Variants in WDR59 observed in about 807,000 individuals in gnomAD.
WDR59 encodes the protein GATOR2 complex protein WDR59.
In WDR59, 100 loss-of-function variants were observed where a neutral mutation model predicts 131.2. That is an observed-to-expected ratio of 0.76 (90% CI 0.65 to 0.90). WDR59 has a LOEUF of 0.90. WDR59 is among the 40% of genes least tolerant of loss of function. WDR59 has a pLI of 0.00. For synonymous variants in WDR59, 601 were observed against 466.2 expected, an observed-to-expected ratio of 1.29 and a Z score of -3.72; for missense variants, 1,203 against 1,262.2, an observed-to-expected ratio of 0.95 and a Z score of 0.71.
chr16:74,959,738 C>T, intron 2 of WDR59: 2 of 194,124 alleles, frequency 1.0e-5, no homozygotes, highest in South Asian at 1.7e-4. Context: ...CATGATTGCA[C>T]CACTGCACTC....
rs905932761 is a variant in WDR59, at chr16:74,951,450, G to C, written c.326+8C>G. 8.8e-6 allele frequency: 14 copies of C among 1,590,456 alleles called. No individual in the cohort carries two copies. Among genetic ancestry groups the C allele is most frequent in the East Asian group, 2.3e-5 (1 of 44,342 alleles). ...ACAGCCAAAGAGCTGTGGAGGGCTG[G>C]TGCCTACCTGATGACACGAGTGTGG... On this transcript the variant is annotated splice_region_variant and intron_variant, in intron 4 of 25. Coordinates refer to ENST00000262144, the MANE Select transcript of WDR59 (RefSeq NM_030581.4).
intron 25 of WDR59, among the ~76,000 whole-genome samples, chr16:74,883,110 C>T (rs537410969): frequency 1.3e-4 from 19 of 149,902 alleles, no homozygotes; most frequent in Middle Eastern, 3.5e-3. Flanking sequence ...CCGCAACCTC[C>T]GCCTCCCGAG....
intron 17 of WDR59, among the ~76,000 whole-genome samples, chr16:74,908,071 C>G (rs906521872): frequency 6.6e-6 from 1 of 152,136 alleles, no homozygotes; most frequent in African/African-American, 2.4e-5. Flanking sequence ...TGTTGTTAAA[C>G]ATGATTCTCT....
chr16:74,874,418 G>C lies in WDR59; in HGVS notation c.2716C>G (p.Arg906Gly). Residue 906 changes from arginine to glycine, a missense_variant, in exon 26 of 26, where the codon CGG (arginine) becomes GGG (glycine). Arg to Gly is a moderately radical substitution (Grantham distance 125). Transcript: ENST00000262144. ...IEFGVYCSHCRSEVRGTQCAI... is the reference protein window; with the variant it reads ...IEFGVYCSHCGSEVRGTQCAI... ...CACTGCGTGCCACGGACCTCACTCC[G>C]GCAGTGGCTGCAGTACACGCCGAAC... is the stretch of plus-strand genomic sequence containing the variant. The C allele has an allele frequency of 6.2e-7, 1 of 1,614,006 alleles. No homozygotes were observed. The highest frequency in any genetic ancestry group is 1.1e-5 in the South Asian group (1 of 91,070).
At chr16:74,896,070 G>A (rs1413871280) in intron 18 of WDR59, among the ~76,000 whole-genome samples, 2 of 151,632 alleles carry the variant, frequency 1.3e-5, no homozygotes, top group Non-Finnish European at 2.9e-5. Flanking sequence ...CATCTCAAGT[G>A]AGACTCAGGG....
rs999648104 is a variant in WDR59, at chr16:74,958,631, A to AAAG, written c.105-2024_105-2022dup. ...AAAAAAAAAAAAAAACAAGCTAAATAAAGCCAAAGTACATGGAGAGAGAAA... is the reference window on the plus strand; with the variant it reads ...AAAAAAAAAAAAAAACAAGCTAAATAAAGAAGCCAAAGTACATGGAGAGAGAAA... On this transcript the variant is annotated intron_variant, in intron 2 of 25. Coordinates refer to ENST00000262144, the MANE Select transcript of WDR59 (RefSeq NM_030581.4). Among the ~76,000 whole-genome samples the AAAG allele has an allele frequency of 2.7e-5, 4 of 149,066 alleles. No homozygotes were observed. In the South Asian group the frequency reaches 8.6e-4, roughly 32 times the overall value.
intron 2 of WDR59, among the ~76,000 whole-genome samples, chr16:74,960,598 A>T (rs2033515492): frequency 6.6e-6 from 1 of 151,756 alleles, no homozygotes; most frequent in African/African-American, 2.4e-5. Flanking sequence ...TACAAAAATT[A>T]GCTGGGCTTG....
In WDR59 at chr16:74,873,907, T is replaced by G; in HGVS notation, c.*302A>C. ...CAGGGTAACACTGTAACACTGGCCC[T>G]GGAGCCAGGTGCTTTTCTCCATGAA... On this transcript the variant is annotated 3_prime_UTR_variant, in exon 26 of 26. Coordinates refer to ENST00000262144, the MANE Select transcript of WDR59 (RefSeq NM_030581.4). 5.2e-6 allele frequency: 2 copies of G among 383,844 alleles called. No homozygotes were observed. Among genetic ancestry groups the G allele is most frequent in the Non-Finnish European group, 4.9e-6 (1 of 205,502 alleles). The allele number at this position is 383,844 out of a possible 1,614,324, so 23.8% of individuals were successfully genotyped here.
At chr16:74,934,240 A>C (rs527684098) in intron 8 of WDR59, among the ~76,000 whole-genome samples, 2 of 152,332 alleles carry the variant, frequency 1.3e-5, no homozygotes, top group South Asian at 4.1e-4. Context: ...TTTACTTTTC[A>C]ATTTGGATAG....
At chr16:74,906,538 G>A (rs781074681) in intron 17 of WDR59, among the ~76,000 whole-genome samples, 11 of 151,952 alleles carry the variant, frequency 7.2e-5, no homozygotes, top group Non-Finnish European at 1.3e-4. Context: ...CTCCTCAGGT[G>A]CAGAAATTAA....
At chr16:74,981,635 TATATATATATATATA>T (rs1213191642) in intron 1 of WDR59, among the ~76,000 whole-genome samples, 445 of 25,738 alleles carry the variant, frequency 0.017, 35 homozygotes, top group African/African-American at 0.067. Context: ...TATATATATA[TATATATATATATATA>T]TATATATATA....
intron 14 of WDR59, chr16:74,911,873 T>C: frequency 2.1e-6 from 1 of 482,008 alleles, no homozygotes; most frequent in Non-Finnish European, 3.7e-6. Context: ...ATGAGATCTG[T>C]GGGCAGATTC....
chr16:74,908,942 G>C lies in WDR59; in HGVS notation c.1678C>G (p.His560Asp). Residue 560 changes from histidine (H) to aspartate (D), a missense_variant, in exon 17 of 26, where the codon CAT (histidine) becomes GAT (aspartate). Coordinates refer to ENST00000262144, the MANE Select transcript of WDR59 (RefSeq NM_030581.4). ...LVYFTRPMTMHRAVSPTEPTP... is the reference protein window; with the variant it reads ...LVYFTRPMTMDRAVSPTEPTP... ...GGCTCTGTGGGAGACACCGCCCGAT[G>C]CATTGTCATGGGCCTTGTGAAATAT... The C allele has an allele frequency of 6.2e-7, 1 of 1,614,150 alleles. No homozygotes were observed. The highest frequency in any genetic ancestry group is 8.5e-7 in the Non-Finnish European group (1 of 1,179,996).
At position 74,984,991 on chromosome 16, in the gene WDR59, G is replaced by T; in HGVS notation, c.27C>A (p.Asn9Lys). MAARWSSE[N>K]VVVEFRDSQA... ...GGGAGTCACGGAACTCTACAACCAC[G>T]TTTTCGCTGCTCCATCGCGCCGCCA... The change falls in exon 1 of 26, where the codon AAC becomes AAA. Residue 9 changes from asparagine to lysine, a missense_variant. By Grantham distance (94) the Asn-to-Lys change is moderately conservative. Coordinates refer to ENST00000262144, the MANE Select transcript of WDR59 (RefSeq NM_030581.4). The T allele has an allele frequency of 1.9e-6, 3 of 1,598,838 alleles. No individual in the cohort carries two copies. Among genetic ancestry groups the T allele is most frequent in the Non-Finnish European group, 2.6e-6 (3 of 1,172,916 alleles).
At chr16:74,900,533 C>A (rs948871243) in intron 18 of WDR59, among the ~76,000 whole-genome samples, 1 of 152,056 alleles carries the variant, frequency 6.6e-6, no homozygotes, top group Admixed American at 6.5e-5. Context: ...CAAGGCAATA[C>A]CTAAAGCTTA....
chr16:74,909,700 T>A (rs1965989546), intron 15 of WDR59, 43 bp from the exon 16 acceptor site: 1 of 1,555,052 alleles, frequency 6.4e-7, no homozygotes, highest in South Asian at 1.2e-5. Flanking sequence ...CAACCTGTCT[T>A]AAAGCTGAAC....
chr16:74,970,023 A>C (rs2033919386), intron 1 of WDR59, among the ~76,000 whole-genome samples: 1 of 151,736 alleles, frequency 6.6e-6, no homozygotes, highest in African/African-American at 2.4e-5. Flanking sequence ...TCCTGGGTTC[A>C]AGTGATCCTG....
At position 74,916,872 on chromosome 16, in the gene WDR59, C is replaced by T. The variant is rs1035175199; in HGVS notation, c.967-613G>A. Among the ~76,000 whole-genome samples, 23 of 131,190 alleles carry T rather than the reference C, an allele frequency of 1.8e-4. 2 individuals carry two copies. The highest frequency in any genetic ancestry group is 6.3e-4 in the Admixed American group (8 of 12,740). 86.1% of individuals were successfully genotyped at this position (131,190 alleles called of 152,430 possible). ...AGACTCCATCTCAAAAAAAAAAAAACGAAAACCATAACCTCAAGGCATTTG... is the reference window on the plus strand; with the variant it reads ...AGACTCCATCTCAAAAAAAAAAAAATGAAAACCATAACCTCAAGGCATTTG... On this transcript the variant is annotated intron_variant, in intron 11 of 25. Coordinates refer to ENST00000262144, the MANE Select transcript of WDR59 (RefSeq NM_030581.4).
chr16:74,945,065 G>A (rs375065380), intron 6 of WDR59, among the ~76,000 whole-genome samples: 36 of 151,772 alleles, frequency 2.4e-4, no homozygotes, highest in Admixed American at 2.0e-3. Flanking sequence ...CGGAGGTTGC[G>A]GTGAGCCAAG....
Sources: gnomAD v4.1 joint callset for allele counts (sites outside exome capture counted in the v4.1 genomes callset) on GRCh38, gnomAD v4.1.1 for gene constraint, MANE v1.5 for transcripts, NCBI Gene and HGNC (gene_info 2026-07-23, HGNC 2026-07-21) for gene names.